C1orf167: variants seen among roughly 807,000 people sequenced by gnomAD.
The protein encoded by C1orf167 is chromosome 1 open reading frame 167.
C1orf167 carries 153 observed loss-of-function variants against 176.5 expected under a neutral mutation model. The observed-to-expected ratio is 0.87, with a 90% CI of 0.76 to 0.99. The LOEUF (loss-of-function observed/expected upper bound fraction) is 0.99, where lower values mean the gene tolerates loss of function less well. C1orf167 is among the 50% of genes least tolerant of loss of function. The pLI is 0.00. For missense variants in C1orf167, 1,490 were observed against 1,817.7 expected (o/e 0.82, Z 3.28); for synonymous variants, 594 against 752.7 (o/e 0.79, Z 3.45).
rs1171460686 is a variant in C1orf167 at position 11,779,083 on chromosome 1, A to G, written c.2651+3A>G. 1 of 1,237,744 alleles carries G rather than the reference A, an allele frequency of 8.1e-7. No homozygotes were observed. The highest frequency in any genetic ancestry group is 5.7e-5 in the East Asian group (1 of 17,520). 76.7% of individuals were successfully genotyped at this position (1,237,744 alleles called of 1,614,324 possible). The stretch of plus-strand genomic sequence containing the variant: ...TACCAGCATACCCGCCAGAGGCGGT[A>G]GGGATCCCTCCCCATCCGCCCGCCA... On this transcript the variant is annotated splice_donor_region_variant and intron_variant, in intron 12 of 20. Transcript: ENST00000688073.
chr1:11,772,968 G>A (rs1261998928), intron 8 of C1orf167, among the ~76,000 whole-genome samples: 4 of 141,360 alleles, frequency 2.8e-5, no homozygotes, highest in East Asian at 2.2e-4. Flanking sequence ...GCACGATCTC[G>A]GCTCACTGCA....
intron 10 of C1orf167, chr1:11,778,456 G>A (rs748582048): frequency 1.3e-5 from 4 of 318,952 alleles, no homozygotes; most frequent in Non-Finnish European, 2.4e-5. Flanking sequence ...GTGGGCATCG[G>A]TACCTCTTGA....
Position 11,788,316 on chromosome 1 carries a change from C to T in C1orf167, c.4016C>T (p.Pro1339Leu), listed in dbSNP as rs543936102. 9 of 1,302,664 alleles carry T rather than the reference C, an allele frequency of 6.9e-6. No homozygotes were observed. The East Asian group carries it at 2.2e-4, about 32-fold the overall frequency. The allele number at this position is 1,302,664 out of a possible 1,614,324, so 80.7% of individuals were successfully genotyped here. Residue 1339 changes from proline (P) to leucine (L), a missense_variant, in exon 19 of 21, where the codon CCT becomes CTT. Coordinates refer to ENST00000688073, the MANE Select transcript of C1orf167 (RefSeq NM_001010881.2). ...RAAGFPAGQV[P>L]GSGMAALGGC... is the part of the protein sequence containing the mutation. ...GCGGGGTTCCCAGCAGGCCAGGTGC[C>T]TGGCAGTGGCATGGCAGCACTGGGT...
chr1:11,775,553 C>G lies in C1orf167; in HGVS notation c.2107C>G (p.Leu703Val), dbSNP rs1290265764. ...CLEQWVRMKQ[L>V]RESDGAKVTQ... ...GGAACAGTGGGTGCGGATGAAGCAG[C>G]TCCGGGAATCAGATGGGGCAAAGGT... The change falls in exon 9 of 21, where the codon CTC (leucine) becomes GTC (valine). Residue 703 changes from leucine (L) to valine (V), a missense_variant. By Grantham distance (32) the Leu-to-Val change is conservative. Coordinates refer to ENST00000688073, the MANE Select transcript of C1orf167 (RefSeq NM_001010881.2). 6 of 1,304,104 alleles carry G rather than the reference C, an allele frequency of 4.6e-6. No individual in the cohort carries two copies. In the Admixed American group the frequency reaches 1.4e-4, roughly 30 times the overall value. The allele number at this position is 1,304,104 out of a possible 1,614,324, so 80.8% of individuals were successfully genotyped here.
chr1:11,766,696 G>A lies in C1orf167; in HGVS notation c.910G>A (p.Glu304Lys), dbSNP rs1642814274. The change falls in exon 3 of 21, where the codon GAA becomes AAA. Residue 304 changes from glutamate (E) to lysine (K), a missense_variant. Coordinates refer to ENST00000688073, the MANE Select transcript of C1orf167 (RefSeq NM_001010881.2). This position sits in a 1 kb window ranked among gnomAD's most constrained non-coding sequence, Gnocchi z 4.5. ...GRRRRLRGHR[E>K]TAAFLETPAS... Reference sequence around the variant, plus strand: ...GAGGAGACGCCTTCGAGGCCACAGGGAAACTGCGGCTTTCTTGGAGACCCC... The same window carrying A: ...GAGGAGACGCCTTCGAGGCCACAGGAAAACTGCGGCTTTCTTGGAGACCCC... 7.8e-7 allele frequency: 1 copy of A among 1,289,780 alleles called. No homozygotes were observed. The allele number at this position is 1,289,780 out of a possible 1,614,324, so 79.9% of individuals were successfully genotyped here. A position where few individuals can be genotyped will look rare whatever the true frequency, so the allele number is the denominator to read the frequency against.
chr1:11,788,757 T>C lies in C1orf167; in HGVS notation c.4173+11T>C, dbSNP rs1321135225. The stretch of plus-strand genomic sequence containing the variant: ...GCAGCAGGAAGATGGGTGGGTCCTT[T>C]CCCAGGTACTGCCCTCTTCCCTGCA... On this transcript the variant is annotated intron_variant, in intron 20 of 20. Coordinates refer to ENST00000688073, the MANE Select transcript of C1orf167 (RefSeq NM_001010881.2). 2 of 1,303,662 alleles carry C rather than the reference T, an allele frequency of 1.5e-6. No homozygotes were observed. Among genetic ancestry groups the C allele is most frequent in the African/African-American group, 1.5e-5 (1 of 65,954 alleles). The allele number at this position is 1,303,662 out of a possible 1,614,324, so 80.8% of individuals were successfully genotyped here. A position where few individuals can be genotyped will look rare whatever the true frequency, so the allele number is the denominator to read the frequency against.
chr1:11,762,717 G>A (rs1642570664), intron 1 of C1orf167, among the ~76,000 whole-genome samples: 1 of 152,210 alleles, frequency 6.6e-6, no homozygotes, highest in Non-Finnish European at 1.5e-5. Flanking sequence ...AAGGCTGCAA[G>A]GTGCCTAGCA....
chr1:11,775,188 C>A (rs1643252079), intron 8 of C1orf167, among the ~76,000 whole-genome samples: 1 of 152,158 alleles, frequency 6.6e-6, no homozygotes, highest in Non-Finnish European at 1.5e-5. Flanking sequence ...ACTTGGGAGG[C>A]TGATGCAGGA....
intron 6 of C1orf167, among the ~76,000 whole-genome samples, chr1:11,769,774 C>A (rs1642966400): frequency 6.6e-6 from 1 of 151,522 alleles, no homozygotes; most frequent in Non-Finnish European, 1.5e-5. Context: ...CAGGTTCACG[C>A]CATTCTCCTG....
At position 11,778,662 on chromosome 1, in the gene C1orf167, CCTT is replaced by C. The variant is rs1318845976; in HGVS notation, c.2347_2349del (p.Phe783del). 7.7e-7 allele frequency: 1 copy of C among 1,295,206 alleles called. No individual in the cohort carries two copies. Among genetic ancestry groups the C allele is most frequent in the African/African-American group, 1.5e-5 (1 of 65,868 alleles). The allele number at this position is 1,295,206 out of a possible 1,614,324, so 80.2% of individuals were successfully genotyped here. ...TCACTCACCTGCCCCTTCTCTAGCT[CCTT>C]CTTCCAGGGCCTGCAGCAGCGGATG... On this transcript the variant is annotated inframe_deletion, in exon 11 of 21. Coordinates refer to ENST00000688073, the MANE Select transcript of C1orf167 (RefSeq NM_001010881.2).
rs1006454295 is a variant in C1orf167, at chr1:11,768,257, G to T, written c.1524G>T (p.Leu508=). The part of the protein sequence containing the change: ...AAWGQYTKVL[L]VRSFREWRNL... ...GGGGGCAGTACACAAAGGTTCTGCT[G>T]GTCCGGAGCTTCCGAGAGGTCAGCG... The change falls in exon 5 of 21, where the codon CTG becomes CTT. Residue 508 remains leucine, a synonymous_variant. Transcript: ENST00000688073. The surrounding 1 kb of genome is among the most constrained non-coding windows in gnomAD (Gnocchi z 4.5). 1.6e-6 allele frequency: 2 copies of T among 1,289,822 alleles called. No homozygotes were observed. The highest frequency in any genetic ancestry group is 2.3e-5 in the Admixed American group (1 of 43,544). 79.9% of individuals were successfully genotyped at this position (1,289,822 alleles called of 1,614,324 possible). A position where few individuals can be genotyped will look rare whatever the true frequency, so the allele number is the denominator to read the frequency against.
rs1334823801 is a variant in C1orf167 at position 11,776,481 on chromosome 1, A to G, written c.2182A>G (p.Thr728Ala). 4 of 1,302,032 alleles carry G rather than the reference A, an allele frequency of 3.1e-6. No homozygotes were observed. The highest frequency in any genetic ancestry group is 4.6e-5 in the Admixed American group (2 of 43,134). 80.7% of individuals were successfully genotyped at this position (1,302,032 alleles called of 1,614,324 possible). ...RQKAGREAVY[T>A]AGPGACGLGA... ...TTTCTCAGGACGTGAGGCTGTCTAC[A>G]CCGCAGGCCCTGGAGCCTGTGGCCT... Residue 728 changes from threonine to alanine, a missense_variant, in exon 10 of 21, where the codon ACC becomes GCC. Coordinates refer to ENST00000688073, the MANE Select transcript of C1orf167 (RefSeq NM_001010881.2).
chr1:11,785,096 A>C, intron 15 of C1orf167, 52 bp from the exon 16 acceptor site: 3 of 1,224,764 alleles, frequency 2.4e-6, no homozygotes, highest in Non-Finnish European at 3.2e-6. Context: ...GGCTCCCTGC[A>C]GAGAGTCCTG....
chr1:11,782,414 T>C, intron 14 of C1orf167, 81 bp downstream of exon 14: 1 of 1,135,656 alleles, frequency 8.8e-7, no homozygotes, highest in Non-Finnish European at 1.1e-6. Flanking sequence ...GGTGGGAAGC[T>C]CAGACGGTGG....
In C1orf167 at chr1:11,784,309, AG is replaced by A. The variant is rs1236964685; in HGVS notation, c.3142del (p.Ala1048ProfsTer97). 1.5e-6 allele frequency: 2 copies of A among 1,303,624 alleles called. No homozygotes were observed. Among genetic ancestry groups the A allele is most frequent in the Non-Finnish European group, 2.0e-6 (2 of 988,702 alleles). The allele number at this position is 1,303,624 out of a possible 1,614,324, so 80.8% of individuals were successfully genotyped here. A position where few individuals can be genotyped will look rare whatever the true frequency, so the allele number is the denominator to read the frequency against. ...ATWREAQEVAAGAQEQRVAQA... is the reference protein window; with the variant it reads ...ATWREAQEVAXGAQEQRVAQA... Reference sequence around the variant, plus strand: ...CATGGCGGGAAGCCCAGGAAGTGGCAGCCGGGGCACAGGAGCAGCGTGTGGC... The same window carrying A: ...CATGGCGGGAAGCCCAGGAAGTGGCACCGGGGCACAGGAGCAGCGTGTGGC... On this transcript the variant is annotated frameshift_variant, in exon 15 of 21. Transcript: ENST00000688073. LOFTEE classifies it high-confidence loss of function.
intron 7 of C1orf167, 44 bp downstream of exon 7, chr1:11,771,680 C>T: frequency 8.1e-7 from 1 of 1,242,204 alleles, no homozygotes. Flanking sequence ...GGAGCCTGGC[C>T]ACGCAGGGCC....
intron 15 of C1orf167, 71 bp from the exon 16 acceptor site, chr1:11,785,077 C>T: frequency 8.5e-7 from 1 of 1,179,992 alleles, no homozygotes; most frequent in Non-Finnish European, 1.1e-6. Flanking sequence ...TCCCGCAGGG[C>T]ACTGGGGGGG....
Position 11,779,941 on chromosome 1 carries a change from T to C in C1orf167, c.2791T>C (p.Trp931Arg), listed in dbSNP as rs4846044. ...GCTGCTGCAGTCACGGCTGGTGGAG[T>C]GGTGGGCCCAGGAGCGGGGCTGGCG... ...QRLLQSRLVE[W>R]WAQERGWRLA... The change falls in exon 13 of 21, where the codon TGG (tryptophan) becomes CGG (arginine). Residue 931 changes from tryptophan (W) to arginine (R), a missense_variant. Physicochemically the swap from Trp to Arg is moderately radical, Grantham distance 101. Transcript: ENST00000688073. The C allele has an allele frequency of 0.94, 1,229,253 of 1,301,440 alleles. 584,100 individuals are homozygous for C. The highest frequency in any genetic ancestry group is 1 in the East Asian group (17,917 of 17,994). The allele number at this position is 1,301,440 out of a possible 1,614,324, so 80.6% of individuals were successfully genotyped here.
In C1orf167 at chr1:11,780,009, G is replaced by A. The variant is rs1045284436; in HGVS notation, c.2859G>A (p.Gln953=). The stretch of plus-strand genomic sequence containing the variant: ...TATGCCACTGGCACTCCTGTTGGCA[G>A]GGTGAGTGGAGACTTGGTCGGGGGC... The part of the protein sequence containing the change: ...DALCHWHSCW[Q]GQQFLHEKCQ... The change falls in exon 13 of 21, where the codon CAG becomes CAA. Residue 953 remains glutamine (Q), a splice_region_variant and synonymous_variant. Transcript: ENST00000688073. The A allele has an allele frequency of 1.6e-6, 2 of 1,276,356 alleles. No individual in the cohort carries two copies. Among genetic ancestry groups the A allele is most frequent in the African/African-American group, 1.5e-5 (1 of 65,534 alleles). The allele number at this position is 1,276,356 out of a possible 1,614,324, so 79.1% of individuals were successfully genotyped here.
Sources: allele counts gnomAD v4.1 joint callset (sites outside exome capture counted in the v4.1 genomes callset), GRCh38; gene constraint gnomAD v4.1.1; non-coding constraint Gnocchi (gnomAD v3.1); transcripts MANE v1.5; gene names NCBI Gene and HGNC (gene_info 2026-07-23, HGNC 2026-07-21).